Variants in SNW1 observed in about 807,000 individuals in gnomAD.
SNW1 encodes the protein SNW domain-containing protein 1.
A neutral mutation model predicts 75.6 loss-of-function variants in SNW1; 9 were observed. The observed-to-expected ratio is 0.12, with a 90% CI of 0.07 to 0.21. The LOEUF is 0.21. Among genes scored for constraint, SNW1 ranks in the 10% least tolerant of loss-of-function variants. The pLI, the probability that SNW1 is intolerant of heterozygous loss-of-function variation, is 1.00. For synonymous variants in SNW1, 200 were observed against 219.1 expected (o/e 0.91, Z 0.77); for missense variants, 409 against 670.9 (o/e 0.61, Z 4.31).
In SNW1 at chr14:77,734,932, T is replaced by G; in HGVS notation, c.774+15A>C. On this transcript the variant is annotated intron_variant, in intron 8 of 13. Coordinates refer to ENST00000261531, the MANE Select transcript of SNW1 (RefSeq NM_012245.3). ...TAGGTTATACTAATAGAGACTGATT[T>G]GACAACTTAATTACCTTTGCATTTT... 3.8e-6 allele frequency: 6 copies of G among 1,578,658 alleles called. No homozygotes were observed. Among genetic ancestry groups the G allele is most frequent in the Non-Finnish European group, 5.2e-6 (6 of 1,148,378 alleles).
intron 11 of SNW1, chr14:77,722,823 A>G (rs1389634684): frequency 4.8e-6 from 2 of 416,362 alleles, no homozygotes; most frequent in African/African-American, 4.2e-5. Flanking sequence ...GCCACTCTTC[A>G]TGATTGGTAC....
intron 2 of SNW1, among the ~76,000 whole-genome samples, chr14:77,753,778 C>G (rs556910862): frequency 1.3e-5 from 2 of 151,698 alleles, no homozygotes; most frequent in African/African-American, 2.4e-5. Flanking sequence ...ATGGTGAAAC[C>G]CTGTCTGTAC....
Position 77,755,127 on chromosome 14 carries a change from G to A in SNW1, c.15-7C>T, listed in dbSNP as rs2080834446. 1.2e-6 allele frequency: 2 copies of A among 1,608,060 alleles called. No individual in the cohort carries two copies. The highest frequency in any genetic ancestry group is 1.7e-6 in the Non-Finnish European group (2 of 1,178,656). On this transcript the variant is annotated splice_polypyrimidine_tract_variant and splice_region_variant and intron_variant, in intron 1 of 13. Coordinates refer to ENST00000261531, the MANE Select transcript of SNW1 (RefSeq NM_012245.3). ...AGTAGGTGCAGGTAAAAAGCTATAAGCAAAGATAATAAAAGTCAGAAATTT... is the reference window on the plus strand; with the variant it reads ...AGTAGGTGCAGGTAAAAAGCTATAAACAAAGATAATAAAAGTCAGAAATTT...
At chr14:77,751,984 G>A (rs1489142070) in intron 2 of SNW1, among the ~76,000 whole-genome samples, 1 of 152,158 alleles carries the variant, frequency 6.6e-6, no homozygotes, top group Non-Finnish European at 1.5e-5. Context: ...AGCAGAGCTT[G>A]AGGCACAAGT....
chr14:77,727,378 A>C (rs530253147), intron 10 of SNW1, among the ~76,000 whole-genome samples: 20 of 151,944 alleles, frequency 1.3e-4, no homozygotes, highest in Admixed American at 5.9e-4. Flanking sequence ...GATGCCCTTT[A>C]TTTCTTTCTA....
Position 77,754,980 on chromosome 14 carries a change from G to A in SNW1, c.155C>T (p.Pro52Leu). The A allele has an allele frequency of 6.2e-7, 1 of 1,600,304 alleles. No homozygotes were observed. The highest frequency in any genetic ancestry group is 1.1e-5 in the South Asian group (1 of 89,496). The change falls in exon 2 of 14, where the codon CCT becomes CTT. Residue 52 changes from proline to leucine, a missense_variant. Pro to Leu is a moderately conservative substitution (Grantham distance 98). Around this residue, in one of 9 missense-constraint regions of SNW1, gnomAD observed 73 missense variants for 68.3 expected, o/e 1.07. Transcript: ENST00000261531. ...ATCTATATGTACCTCTAATAACCGA[G>A]GTATCCAGCCTTTCCGGTATCCGTA... ...PPYGYRKGWI[P>L]RLLEDFGDGG...
At chr14:77,743,945 AAAC>A (rs1377983617) in intron 3 of SNW1, among the ~76,000 whole-genome samples, 1 of 152,120 alleles carries the variant, frequency 6.6e-6, no homozygotes, top group East Asian at 1.9e-4. Flanking sequence ...GAAAACAAAC[AAAC>A]AAAAAGATAT....
At chr14:77,737,550 C>T (rs540807231) in intron 5 of SNW1, among the ~76,000 whole-genome samples, 1 of 152,142 alleles carries the variant, frequency 6.6e-6, no homozygotes, top group South Asian at 2.1e-4. Flanking sequence ...ATTCTCTATG[C>T]AGATTTAGTC....
At chr14:77,722,696 T>C (rs2080551382) in intron 11 of SNW1, 1 of 361,676 alleles carries the variant, frequency 2.8e-6, no homozygotes, top group South Asian at 2.1e-5. Flanking sequence ...TAAGACAAAG[T>C]AGTTAAGTAC....
At position 77,754,506 on chromosome 14, in the gene SNW1, A is replaced by G. The variant is rs181300128; in HGVS notation, c.168+461T>C. Among the ~76,000 whole-genome samples, 3 of 152,294 alleles carry G rather than the reference A, an allele frequency of 2.0e-5. No individual in the cohort carries two copies. The East Asian group carries it at 5.8e-4, about 29-fold the overall frequency. The stretch of plus-strand genomic sequence containing the variant: ...TTAACATTCTCAAATTAAAGGTAAG[A>G]AAACAGGTGAAGAGAAAGAAATCAG... On this transcript the variant is annotated intron_variant, in intron 2 of 13. Coordinates refer to ENST00000261531, the MANE Select transcript of SNW1 (RefSeq NM_012245.3).
In SNW1 at chr14:77,741,486, G is replaced by A. The variant is rs140058947; in HGVS notation, c.331-2425C>T. 3.9e-5 allele frequency among the ~76,000 whole-genome samples: 6 copies of A among 152,204 alleles called. No homozygotes were observed. In the East Asian group the frequency reaches 1.2e-3, roughly 29 times the overall value. On this transcript the variant is annotated intron_variant, in intron 3 of 13. Coordinates refer to ENST00000261531, the MANE Select transcript of SNW1 (RefSeq NM_012245.3). ...TAAAATCTCCAGCTTGTTTTTCTCA[G>A]GAGTGAGAAGAGGGATCAGGTAAGA... is the stretch of plus-strand genomic sequence containing the variant.
At chr14:77,741,943 G>A (rs1471727082) in intron 3 of SNW1, among the ~76,000 whole-genome samples, 3 of 152,192 alleles carry the variant, frequency 2.0e-5, no homozygotes, top group Non-Finnish European at 4.4e-5. Context: ...CCCTTCAAAT[G>A]AGCATCAATA....
At chr14:77,760,826 G>T (rs1021745748) in intron 1 of SNW1, 8 of 725,782 alleles carry the variant, frequency 1.1e-5, no homozygotes, top group African/African-American at 1.0e-4. Flanking sequence ...AGCGCTGTCC[G>T]CTCCCCGCAA....
At chr14:77,726,435 A>G (rs530009157) in intron 10 of SNW1, among the ~76,000 whole-genome samples, 2 of 152,312 alleles carry the variant, frequency 1.3e-5, no homozygotes, top group Non-Finnish European at 2.9e-5. Flanking sequence ...TTGGGATTAC[A>G]GGTGTGAGCC....
At chr14:77,725,728 G>A (rs1016536187) in intron 10 of SNW1, among the ~76,000 whole-genome samples, 2 of 152,044 alleles carry the variant, frequency 1.3e-5, no homozygotes, top group Non-Finnish European at 2.9e-5. Context: ...GACCACCCTG[G>A]GTGTAATGGC....
intron 10 of SNW1, among the ~76,000 whole-genome samples, chr14:77,730,337 C>A (rs2080618527): frequency 1.3e-5 from 2 of 152,162 alleles, no homozygotes; most frequent in Non-Finnish European, 2.9e-5. Context: ...CATCCCCCTA[C>A]CCACTGTCTA....
chr14:77,734,387 G>A (rs559813399), intron 8 of SNW1, among the ~76,000 whole-genome samples: 1 of 152,204 alleles, frequency 6.6e-6, no homozygotes, highest in East Asian at 1.9e-4. Flanking sequence ...GTATTTATAT[G>A]ACACTTTATT....
intron 10 of SNW1, among the ~76,000 whole-genome samples, chr14:77,725,161 T>C (rs1033828311): frequency 2.0e-5 from 3 of 152,242 alleles, no homozygotes; most frequent in African/African-American, 7.2e-5. Context: ...AGACCGTCTA[T>C]TCAGATCATT....
chr14:77,751,844 ACC>A (rs1491574923), intron 2 of SNW1, among the ~76,000 whole-genome samples: 1 of 119,156 alleles, frequency 8.4e-6, no homozygotes, highest in East Asian at 2.6e-4. Flanking sequence ...ACACACACAC[ACC>A]ACACACACAC....
Sources: allele counts gnomAD v4.1 joint callset (sites outside exome capture counted in the v4.1 genomes callset), GRCh38; gene constraint gnomAD v4.1.1; regional missense constraint gnomAD v4.1.1; transcripts MANE v1.5; gene names NCBI Gene and HGNC (gene_info 2026-07-23, HGNC 2026-07-21).